The following CFAP20DC variants were observed in gnomAD, a reference collection of about 807,000 sequenced individuals.
CFAP20DC encodes protein CFAP20DC.
Under a neutral mutation model 101.7 loss-of-function variants are expected in CFAP20DC, and 84 were observed. That is an observed-to-expected ratio of 0.83 (90% CI 0.69 to 0.99). The LOEUF is 0.99. CFAP20DC is among the 50% of genes least tolerant of loss of function. The pLI is 0.00. For missense variants in CFAP20DC, 1,007 were observed against 970.3 expected, an observed-to-expected ratio of 1.04 and a Z score of -0.50; for synonymous variants, 359 against 351.2, an observed-to-expected ratio of 1.02 and a Z score of -0.25.
At chr3:58,801,228 T>C (rs762317497) in intron 15 of CFAP20DC, among the ~76,000 whole-genome samples, 10 of 152,158 alleles carry the variant, frequency 6.6e-5, no homozygotes, top group South Asian at 4.1e-4. Flanking sequence ...AATGAGATTA[T>C]GAAAGAAGAG....
At chr3:58,880,555 G>A (rs1012891189) in intron 7 of CFAP20DC, among the ~76,000 whole-genome samples, 1 of 152,036 alleles carries the variant, frequency 6.6e-6, no homozygotes, top group Non-Finnish European at 1.5e-5. Context: ...TCCTGCAAAA[G>A]TAACACAATT....
chr3:58,764,060 G>A (rs1032203126), intron 15 of CFAP20DC, among the ~76,000 whole-genome samples: 2 of 152,194 alleles, frequency 1.3e-5, no homozygotes, highest in African/African-American at 4.8e-5. Context: ...TCTCTTCAAA[G>A]CTGTCAGACA....
chr3:58,773,876 A>G (rs1259639177), intron 15 of CFAP20DC, among the ~76,000 whole-genome samples: 2 of 152,036 alleles, frequency 1.3e-5, no homozygotes, highest in Non-Finnish European at 2.9e-5. Flanking sequence ...ATGCTCTACA[A>G]TAGAGGGGCA....
chr3:58,748,914 C>G (rs939446808), intron 16 of CFAP20DC, among the ~76,000 whole-genome samples: 4 of 152,256 alleles, frequency 2.6e-5, no homozygotes, highest in African/African-American at 9.6e-5. Context: ...CTTACCTCAT[C>G]TGTAAAGTGG....
chr3:58,774,533 C>G (rs994327108), intron 15 of CFAP20DC, among the ~76,000 whole-genome samples: 1 of 152,152 alleles, frequency 6.6e-6, no homozygotes, highest in African/African-American at 2.4e-5. Context: ...AATCAACTAC[C>G]TGGAAAGATC....
chr3:58,862,392 C>T lies in CFAP20DC; in HGVS notation c.1593+1166G>A, dbSNP rs569233384. On this transcript the variant is annotated intron_variant, in intron 12 of 16. Transcript: ENST00000482387. ...TAAAGGTGAAAGGAACAAATGTGTC[C>T]AGCAGCAACACTTAAAATGCTAGCA... 8 of 985,268 alleles carry T rather than the reference C, an allele frequency of 8.1e-6. No homozygotes were observed. In the African/African-American group the frequency reaches 1.4e-4, roughly 17 times the overall value. The allele number at this position is 985,268 out of a possible 1,614,324, so 61.0% of individuals were successfully genotyped here.
In CFAP20DC at chr3:58,831,896, AAG is replaced by A. The variant is rs2076418579; in HGVS notation, c.1972-9_1972-8del. 1 of 1,612,554 alleles carries A rather than the reference AAG, an allele frequency of 6.2e-7. No individual in the cohort carries two copies. On this transcript the variant is annotated splice_region_variant and splice_polypyrimidine_tract_variant and intron_variant, in intron 13 of 16. Transcript: ENST00000482387. ...AGTTTCGCCAGTCATATTCCTGACC[AAG>A]AGAGAGGAAAATAACAAAGGGTCAT...
At chr3:58,987,452 A>G (rs2092789727) in intron 4 of CFAP20DC, among the ~76,000 whole-genome samples, 1 of 152,036 alleles carries the variant, frequency 6.6e-6, no homozygotes, top group African/African-American at 2.4e-5. Flanking sequence ...TTGGAAAAAC[A>G]ATATATTACA....
chr3:58,777,496 G>A (rs1197955435), intron 15 of CFAP20DC, among the ~76,000 whole-genome samples: 1 of 152,118 alleles, frequency 6.6e-6, no homozygotes, highest in Admixed American at 6.6e-5. Flanking sequence ...ATAAATGTGT[G>A]ACTTGTAACT....
intron 3 of CFAP20DC, among the ~76,000 whole-genome samples, chr3:59,041,757 T>C (rs1174582962): frequency 6.6e-6 from 1 of 152,174 alleles, no homozygotes; most frequent in Non-Finnish European, 1.5e-5. Context: ...ATTAGTTATC[T>C]GTTCATCATG....
intron 14 of CFAP20DC, among the ~76,000 whole-genome samples, chr3:58,807,526 C>T (rs1352330643): frequency 3.9e-5 from 6 of 152,202 alleles, no homozygotes; most frequent in African/African-American, 7.2e-5. Context: ...AGAAGGAAAA[C>T]TAACAAACAG....
chr3:58,956,059 G>A (rs998814759), intron 4 of CFAP20DC, among the ~76,000 whole-genome samples: 2 of 151,328 alleles, frequency 1.3e-5, no homozygotes, highest in African/African-American at 2.4e-5. Flanking sequence ...ACTACACTGA[G>A]GGCCTAAGAC....
chr3:58,749,671 T>G (rs1364289884), intron 16 of CFAP20DC, among the ~76,000 whole-genome samples: 1 of 152,082 alleles, frequency 6.6e-6, no homozygotes, highest in African/African-American at 2.4e-5. Flanking sequence ...TCAAAATCTA[T>G]GTAAACTACA....
At chr3:59,023,157 GT>G (rs531050236) in intron 4 of CFAP20DC, among the ~76,000 whole-genome samples, 3,715 of 101,022 alleles carry the variant, frequency 0.037, 97 homozygotes, top group African/African-American at 0.099. Flanking sequence ...CTACTCTCTT[GT>G]TTTTTTTTTT....
At position 58,913,628 on chromosome 3, in the gene CFAP20DC, A is replaced by G. The variant is rs780922221; in HGVS notation, c.550+80T>C. On this transcript the variant is annotated intron_variant, in intron 6 of 16. Coordinates refer to ENST00000482387, the MANE Select transcript of CFAP20DC (RefSeq NM_001394063.1). The surrounding 1 kb of genome is among the most constrained non-coding windows in gnomAD (Gnocchi z 4.4). ...ACATAACATCAAACTGCTACCACACACTCATACTATCCCAAAGGTATGGCT... is the reference window on the plus strand; with the variant it reads ...ACATAACATCAAACTGCTACCACACGCTCATACTATCCCAAAGGTATGGCT... The G allele has an allele frequency of 7.2e-7, 1 of 1,398,440 alleles. No individual in the cohort carries two copies. The highest frequency in any genetic ancestry group is 1.2e-5 in the South Asian group (1 of 86,710). 86.6% of individuals were successfully genotyped at this position (1,398,440 alleles called of 1,614,324 possible). A position where few individuals can be genotyped will look rare whatever the true frequency, so the allele number is the denominator to read the frequency against.
chr3:58,916,782 T>C (rs142059656), intron 5 of CFAP20DC, among the ~76,000 whole-genome samples: 2 of 152,302 alleles, frequency 1.3e-5, no homozygotes, highest in African/African-American at 4.8e-5. Context: ...TTGATAAAGC[T>C]TCCAATACTC....
At chr3:58,758,398 G>C (rs183178667) in intron 15 of CFAP20DC, among the ~76,000 whole-genome samples, 33 of 152,086 alleles carry the variant, frequency 2.2e-4, no homozygotes, top group African/African-American at 7.2e-4. Context: ...CTTTAGTTCT[G>C]AACCATTTCG....
chr3:58,981,152 A>T (rs548065805), intron 4 of CFAP20DC, among the ~76,000 whole-genome samples: 15 of 152,350 alleles, frequency 9.8e-5, no homozygotes, highest in African/African-American at 3.6e-4. Flanking sequence ...CTTACAAGGG[A>T]TGTGAAGGAT....
chr3:58,998,617 T>C (rs1559966472), intron 4 of CFAP20DC, among the ~76,000 whole-genome samples: 1 of 152,162 alleles, frequency 6.6e-6, no homozygotes, highest in Non-Finnish European at 1.5e-5. Context: ...CCTATCTTTG[T>C]GGAGGAGGAT....
Sources: gnomAD v4.1 joint callset for allele counts (sites outside exome capture counted in the v4.1 genomes callset) on GRCh38, gnomAD v4.1.1 for gene constraint, Gnocchi (gnomAD v3.1) non-coding constraint, MANE v1.5 for transcripts, NCBI Gene and HGNC (gene_info 2026-07-23, HGNC 2026-07-21) for gene names.